Variants in KCNQ3 observed in about 807,000 individuals in gnomAD.
KCNQ3 encodes the protein potassium voltage-gated channel subfamily Q member 3, also known as potassium voltage-gated channel subfamily KQT member 3.
KCNQ3 carries 30 observed loss-of-function variants against 92.5 expected under a neutral mutation model. The observed-to-expected ratio is 0.32, with a 90% confidence interval of 0.24 to 0.44. KCNQ3 has a LOEUF of 0.44. KCNQ3 is among the 20% of genes least tolerant of loss of function. The probability of loss-of-function intolerance (pLI) is 1.00; values close to 1 mark genes in which losing one functional copy is unlikely to be tolerated. For missense variants in KCNQ3, 913 were observed against 1,140.3 expected (o/e 0.80, Z 2.87); for synonymous variants, 450 against 468.8 (o/e 0.96, Z 0.52).
At chr8:132,175,817 T>C (rs1826529926) in intron 4 of KCNQ3, among the ~76,000 whole-genome samples, 3 of 152,164 alleles carry the variant, frequency 2.0e-5, no homozygotes, top group Non-Finnish European at 4.4e-5. Context: ...AGAAAAAGTG[T>C]ATGGCTCCAG....
Position 132,288,245 on chromosome 8 carries a change from A to C in KCNQ3, c.387-102064T>G, listed in dbSNP as rs1816733899. Among the ~76,000 whole-genome samples the C allele has an allele frequency of 2.0e-5, 3 of 152,330 alleles. No homozygotes were observed. The South Asian group carries it at 6.2e-4, about 32-fold the overall frequency. On this transcript the variant is annotated intron_variant, in intron 1 of 14. Coordinates refer to ENST00000388996, the MANE Select transcript of KCNQ3 (RefSeq NM_004519.4). ...CAAAGTTATTCCCTAATAAAATTGG[A>C]TTAATTTAGCCCCCCACAAACACTA... is the stretch of plus-strand genomic sequence containing the variant.
At chr8:132,265,043 A>G (rs1427311238) in intron 1 of KCNQ3, among the ~76,000 whole-genome samples, 1 of 152,142 alleles carries the variant, frequency 6.6e-6, no homozygotes, top group African/African-American at 2.4e-5. Flanking sequence ...CAACTGTCCC[A>G]CCTGTAAAAT....
At chr8:132,131,829 T>C (rs914478761) in intron 14 of KCNQ3, among the ~76,000 whole-genome samples, 3 of 152,216 alleles carry the variant, frequency 2.0e-5, no homozygotes, top group African/African-American at 7.2e-5. Flanking sequence ...GGCTCATGTC[T>C]GTAATCCCAG....
Position 132,420,851 on chromosome 8 carries a change from G to C in KCNQ3, c.386+59296C>G, listed in dbSNP as rs77599027. 7.2e-5 allele frequency among the ~76,000 whole-genome samples: 11 copies of C among 152,226 alleles called. 1 individual carries two copies. In the East Asian group the frequency reaches 2.1e-3, roughly 29 times the overall value. Reference sequence around the variant, plus strand: ...GGGAAGCACTGCACAGAGGGCCCCTGGGTTTCTCTCCTCGACCTCGGTCAC... The same window carrying C: ...GGGAAGCACTGCACAGAGGGCCCCTCGGTTTCTCTCCTCGACCTCGGTCAC... On this transcript the variant is annotated intron_variant, in intron 1 of 14. Coordinates refer to ENST00000388996, the MANE Select transcript of KCNQ3 (RefSeq NM_004519.4).
intron 1 of KCNQ3, among the ~76,000 whole-genome samples, chr8:132,395,784 G>A (rs959179965): frequency 4.6e-5 from 7 of 152,226 alleles, no homozygotes; most frequent in African/African-American, 1.4e-4. Flanking sequence ...GGCTGAAGCC[G>A]AAGCTCAGTG....
chr8:132,176,274 A>G (rs1826549762), intron 4 of KCNQ3, among the ~76,000 whole-genome samples: 3 of 152,194 alleles, frequency 2.0e-5, no homozygotes, highest in Non-Finnish European at 2.9e-5. Context: ...AGTAAACAAG[A>G]GTAAGGTGAT....
chr8:132,130,818 C>T (rs1207318960), intron 14 of KCNQ3, among the ~76,000 whole-genome samples: 1 of 152,206 alleles, frequency 6.6e-6, no homozygotes, highest in Non-Finnish European at 1.5e-5. Context: ...CCTAAATTGG[C>T]ACCTTACTTG....
At chr8:132,331,527 G>T (rs1328745352) in intron 1 of KCNQ3, among the ~76,000 whole-genome samples, 1 of 152,130 alleles carries the variant, frequency 6.6e-6, no homozygotes, top group South Asian at 2.1e-4. Context: ...GAAAGTCATA[G>T]CCTGGGCAGC....
chr8:132,400,483 G>A (rs988631876), intron 1 of KCNQ3, among the ~76,000 whole-genome samples: 1 of 152,210 alleles, frequency 6.6e-6, no homozygotes, highest in Non-Finnish European at 1.5e-5. Flanking sequence ...TGTGGGATGA[G>A]GCTTGTCTAT....
At chr8:132,244,462 T>C (rs1019712443) in intron 1 of KCNQ3, among the ~76,000 whole-genome samples, 3 of 152,074 alleles carry the variant, frequency 2.0e-5, no homozygotes, top group South Asian at 2.1e-4. Context: ...AGGCAACTAG[T>C]AGATGATAGA....
chr8:132,178,905 T>G (rs148312994), intron 4 of KCNQ3, among the ~76,000 whole-genome samples: 1 of 150,308 alleles, frequency 6.7e-6, no homozygotes, highest in African/African-American at 2.5e-5. Context: ...ATGTGACACA[T>G]TTCCATGTAA....
At chr8:132,304,072 TTC>T (rs1334490840) in intron 1 of KCNQ3, among the ~76,000 whole-genome samples, 5 of 152,014 alleles carry the variant, frequency 3.3e-5, no homozygotes, top group African/African-American at 1.2e-4. Context: ...ATACTGCATA[TTC>T]TCTCTTGTAA....
chr8:132,146,200 A>G (rs574978288), intron 9 of KCNQ3, among the ~76,000 whole-genome samples: 2 of 152,390 alleles, frequency 1.3e-5, no homozygotes, highest in South Asian at 4.1e-4. Flanking sequence ...TCATTGCAGC[A>G]TTATTCACAA....
chr8:132,318,670 T>A (rs1196289965), intron 1 of KCNQ3, among the ~76,000 whole-genome samples: 1 of 152,110 alleles, frequency 6.6e-6, no homozygotes, highest in East Asian at 1.9e-4. Context: ...TGTAGTTTAG[T>A]GTGTTTGGGG....
At chr8:132,296,800 T>C (rs926207554) in intron 1 of KCNQ3, among the ~76,000 whole-genome samples, 1 of 152,044 alleles carries the variant, frequency 6.6e-6, no homozygotes, top group Non-Finnish European at 1.5e-5. Context: ...TGTTGGACAT[T>C]TGGGTTGGTT....
chr8:132,447,221 C>T, intron 1 of KCNQ3: 1 of 1,535,620 alleles, frequency 6.5e-7, no homozygotes, highest in African/African-American at 1.4e-5. Context: ...GTTCTGCAGG[C>T]TTCATAAGGT....
rs1376853632 is a variant in KCNQ3, at chr8:132,480,465, CCGCCTCCGCCGCCCCCGT to C, written c.50_67del (p.Asp17_Gly22del). On this transcript the variant is annotated inframe_deletion, in exon 1 of 15. Transcript: ENST00000388996. The stretch of plus-strand genomic sequence containing the variant: ...CCCTCCGGCTGGGTTAGCCGCCCCG[CCGCCTCCGCCGCCCCCGT>C]CGCCGCCGCCGCCAGCCGCCCCCGC... 25 of 1,258,528 alleles carry C rather than the reference CCGCCTCCGCCGCCCCCGT, an allele frequency of 2.0e-5. No individual in the cohort carries two copies. Among genetic ancestry groups the C allele is most frequent in the African/African-American group, 1.4e-4 (9 of 64,218 alleles). 78.0% of individuals were successfully genotyped at this position (1,258,528 alleles called of 1,614,324 possible).
In KCNQ3 at chr8:132,129,989, T is replaced by C; in HGVS notation, c.1892A>G (p.Asp631Gly). ...KFVKVERQVQDMGKKLDFLVD... is the reference protein window; with the variant it reads ...KFVKVERQVQGMGKKLDFLVD... ...GAGGAAGTCCAGCTTCTTCCCCATGTCCTGAACCTGGAAAATCAAAGGAGC... is the reference window on the plus strand; with the variant it reads ...GAGGAAGTCCAGCTTCTTCCCCATGCCCTGAACCTGGAAAATCAAAGGAGC... Residue 631 changes from aspartate (D) to glycine (G), a missense_variant, in exon 15 of 15, where the codon GAC (aspartate) becomes GGC (glycine). Physicochemically the swap from Asp to Gly is moderately conservative, Grantham distance 94 (BLOSUM62 -1). Around this residue, in one of 6 missense-constraint regions of KCNQ3, gnomAD observed 375 missense variants for 376.4 expected, o/e 1.00. Coordinates refer to ENST00000388996, the MANE Select transcript of KCNQ3 (RefSeq NM_004519.4). The surrounding 1 kb of genome is among the most constrained non-coding windows in gnomAD (Gnocchi z 5.9). The C allele has an allele frequency of 6.2e-7, 1 of 1,613,392 alleles. No individual in the cohort carries two copies. Among genetic ancestry groups the C allele is most frequent in the South Asian group, 1.1e-5 (1 of 91,048 alleles).
chr8:132,187,722 GGTGGTGATA>G lies in KCNQ3; in HGVS notation c.387-1550_387-1542del, dbSNP rs553644301. Among the ~76,000 whole-genome samples the G allele has an allele frequency of 5.1e-4, 77 of 151,142 alleles. 1 individual carries two copies. The South Asian group carries it at 0.016, about 31-fold the overall frequency. ...TGATAGTGGTGGTGGTGGTGGTGAT[GGTGGTGATA>G]GTGATGATGGTGGTGGTGGTGGTAG... On this transcript the variant is annotated intron_variant, in intron 1 of 14. Transcript: ENST00000388996.
Sources: gnomAD v4.1 joint callset for allele counts (sites outside exome capture counted in the v4.1 genomes callset) on GRCh38, gnomAD v4.1.1 for gene constraint, gnomAD v4.1.1 regional missense constraint, Gnocchi (gnomAD v3.1) non-coding constraint, MANE v1.5 for transcripts, NCBI Gene and HGNC (gene_info 2026-07-23, HGNC 2026-07-21) for gene names.